RNF138: variants seen among roughly 807,000 people sequenced by gnomAD.
RNF138 encodes the protein ring finger protein 138.
A neutral mutation model predicts 31.0 loss-of-function variants in RNF138; 12 were observed. The ratio of observed to expected loss-of-function variants is 0.39; its 90% CI spans 0.25 to 0.63. The LOEUF (loss-of-function observed/expected upper bound fraction) is 0.63. Ranked by LOEUF, RNF138 falls within the 20% of genes least tolerant of loss-of-function variation. The probability of loss-of-function intolerance (pLI) is 0.52; values close to 1 mark genes in which losing one functional copy is unlikely to be tolerated. For synonymous variants in RNF138, 105 were observed against 99.5 expected, an observed-to-expected ratio of 1.06 and a Z score of -0.33; for missense variants, 192 against 300.1, an observed-to-expected ratio of 0.64 and a Z score of 2.66.
At chr18:32,105,763 C>T (rs2040018100) in intron 2 of RNF138, among the ~76,000 whole-genome samples, 1 of 152,148 alleles carries the variant, frequency 6.6e-6, no homozygotes, top group Non-Finnish European at 1.5e-5. Context: ...TATCGGAAGA[C>T]CACAAGCAGC....
At chr18:32,099,429 A>G (rs745806300) in intron 2 of RNF138, among the ~76,000 whole-genome samples, 2 of 152,064 alleles carry the variant, frequency 1.3e-5, no homozygotes, top group Non-Finnish European at 2.9e-5. Context: ...TTTAGACAAA[A>G]TCTCGCTCTG....
intron 2 of RNF138, among the ~76,000 whole-genome samples, chr18:32,111,041 A>G (rs2040120097): frequency 6.6e-6 from 1 of 152,212 alleles, no homozygotes; most frequent in Admixed American, 6.5e-5. Context: ...CAGCGTCCCA[A>G]AGTGCTGGGA....
Position 32,130,105 on chromosome 18 carries a change from T to TACA in RNF138, c.*919_*921dup, listed in dbSNP as rs2040449812. 2 of 152,458 alleles carry TACA rather than the reference T, an allele frequency of 1.3e-5. No individual in the cohort carries two copies. Among genetic ancestry groups the TACA allele is most frequent in the African/African-American group, 4.8e-5 (2 of 41,430 alleles). 9.4% of individuals were successfully genotyped at this position (152,458 alleles called of 1,614,324 possible). A position where few individuals can be genotyped will look rare whatever the true frequency, so the allele number is the denominator to read the frequency against. On this transcript the variant is annotated 3_prime_UTR_variant, in exon 8 of 8. Coordinates refer to ENST00000261593, the MANE Select transcript of RNF138 (RefSeq NM_016271.5). ...ATACATATACTTTTGTGTGTATATATACACATATGTGTGTATGCAGTTTGT... is the reference window on the plus strand; with the variant it reads ...ATACATATACTTTTGTGTGTATATATACAACACATATGTGTGTATGCAGTTTGT...
rs771694161 is a variant in RNF138 at position 32,113,877 on chromosome 18, C to G, written c.392+17C>G. ...AGGGAACAGGTAAGCAATACTTATTCCTAAATACAGAATTTTCATAATTGA... is the reference window on the plus strand; with the variant it reads ...AGGGAACAGGTAAGCAATACTTATTGCTAAATACAGAATTTTCATAATTGA... On this transcript the variant is annotated intron_variant, in intron 4 of 7. Transcript: ENST00000261593. 4.8e-5 allele frequency: 56 copies of G among 1,156,068 alleles called. No homozygotes were observed. Among genetic ancestry groups the G allele is most frequent in the Non-Finnish European group, 6.4e-5 (51 of 798,040 alleles). 71.6% of individuals were successfully genotyped at this position (1,156,068 alleles called of 1,614,324 possible).
At chr18:32,099,072 G>C (rs554286331) in intron 2 of RNF138, among the ~76,000 whole-genome samples, 22 of 152,048 alleles carry the variant, frequency 1.4e-4, no homozygotes, top group Non-Finnish European at 2.9e-4. Context: ...TTGTTGATTA[G>C]CCTTTTGTTG....
chr18:32,092,383 A>C, intron 1 of RNF138, 148 bp downstream of exon 1: 1 of 182,262 alleles, frequency 5.5e-6, no homozygotes, highest in South Asian at 9.6e-5. Flanking sequence ...CCTTGGGCGA[A>C]GACGGGGGCT....
chr18:32,095,382 G>T (rs1048442743), intron 2 of RNF138, among the ~76,000 whole-genome samples: 2 of 152,066 alleles, frequency 1.3e-5, no homozygotes, highest in Admixed American at 6.6e-5. Context: ...ACGTTGCCCA[G>T]TCAGATCTTG....
chr18:32,123,787 G>A lies in RNF138; in HGVS notation c.449+213G>A, dbSNP rs548451339. On this transcript the variant is annotated intron_variant, in intron 5 of 7. Transcript: ENST00000261593. Reference sequence around the variant, plus strand: ...CCTGCCTCAGCCTCCCAAGTATCTGGTATTACAGGTGCCTGCCACCACGCC... The same window carrying A: ...CCTGCCTCAGCCTCCCAAGTATCTGATATTACAGGTGCCTGCCACCACGCC... 1.3e-4 allele frequency among the ~76,000 whole-genome samples: 19 copies of A among 151,628 alleles called. No individual in the cohort carries two copies. The South Asian group carries it at 2.5e-3, about 20-fold the overall frequency.
At chr18:32,097,965 TG>T (rs2039843674) in intron 2 of RNF138, among the ~76,000 whole-genome samples, 1 of 83,094 alleles carries the variant, frequency 1.2e-5, no homozygotes, top group Non-Finnish European at 2.5e-5. Context: ...TGTGTGTGTG[TG>T]TGTGTGTGTG....
chr18:32,110,785 CT>C (rs879590455), intron 2 of RNF138, among the ~76,000 whole-genome samples: 221 of 144,570 alleles, frequency 1.5e-3, no homozygotes, highest in Middle Eastern at 3.6e-3. Flanking sequence ...AATGTTTAAT[CT>C]TTTTTTTTTT....
chr18:32,113,654 T>C (rs1483770151), intron 3 of RNF138, 91 bp from the exon 4 acceptor site: 3 of 566,328 alleles, frequency 5.3e-6, no homozygotes, highest in Non-Finnish European at 9.1e-6. Flanking sequence ...AAATGGAGTA[T>C]TTAGTTACTT....
At position 32,092,797 on chromosome 18, in the gene RNF138, G is replaced by T; in HGVS notation, c.21G>T (p.Ala7=). 1 of 1,592,502 alleles carries T rather than the reference G, an allele frequency of 6.3e-7. No homozygotes were observed. Residue 7 remains alanine, a synonymous_variant, in exon 2 of 8, where the codon GCG becomes GCT. Coordinates refer to ENST00000261593, the MANE Select transcript of RNF138 (RefSeq NM_016271.5). The stretch of plus-strand genomic sequence containing the variant: ...CCGCCATGGCCGAGGACCTCTCTGC[G>T]GCCACGTCCTACACCGAAGATGATT... MAEDLS[A]ATSYTEDDFY...
intron 2 of RNF138, among the ~76,000 whole-genome samples, chr18:32,093,862 C>A (rs2039755233): frequency 6.6e-6 from 1 of 152,142 alleles, no homozygotes; most frequent in South Asian, 2.1e-4. Context: ...CCCCGGGGAA[C>A]TTTTTAAGTA....
At chr18:32,092,479 G>C (rs1432373896) in intron 1 of RNF138, 2 of 377,256 alleles carry the variant, frequency 5.3e-6, no homozygotes, top group Non-Finnish European at 9.7e-6. Flanking sequence ...GGTGAGGGGC[G>C]AGCGGGGCGG....
chr18:32,128,985 T>C lies in RNF138; in HGVS notation c.670-134T>C. 3 of 612,280 alleles carry C rather than the reference T, an allele frequency of 4.9e-6. No homozygotes were observed. The Admixed American group carries it at 8.0e-5, about 16-fold the overall frequency. 37.9% of individuals were successfully genotyped at this position (612,280 alleles called of 1,614,324 possible). On this transcript the variant is annotated intron_variant, in intron 7 of 7. Transcript: ENST00000261593. ...TCTTAAAAGATACTGTTATATATGT[T>C]TTACATAACTGTCCTGAGTGTGTGT...
intron 4 of RNF138, among the ~76,000 whole-genome samples, chr18:32,115,581 C>A (rs1424617719): frequency 6.6e-6 from 1 of 152,096 alleles, no homozygotes; most frequent in South Asian, 2.1e-4. Context: ...CTTGTCTCTA[C>A]TAAAAATACA....
chr18:32,097,023 C>T (rs967643713), intron 2 of RNF138, among the ~76,000 whole-genome samples: 1 of 152,196 alleles, frequency 6.6e-6, no homozygotes, highest in African/African-American at 2.4e-5. Context: ...AGAGCCTCCA[C>T]ACCTGGCAGA....
chr18:32,104,682 T>C (rs1292575076), intron 2 of RNF138, among the ~76,000 whole-genome samples: 1 of 152,168 alleles, frequency 6.6e-6, no homozygotes, highest in Non-Finnish European at 1.5e-5. Flanking sequence ...GCAACAAAAT[T>C]ATAATGTTAT....
At chr18:32,110,427 AT>A (rs2040107360) in intron 2 of RNF138, among the ~76,000 whole-genome samples, 1 of 152,306 alleles carries the variant, frequency 6.6e-6, no homozygotes, top group African/African-American at 2.4e-5. Context: ...ATCTATTTTA[AT>A]CCTCTGAACA....
Sources: gnomAD v4.1 joint callset for allele counts (sites outside exome capture counted in the v4.1 genomes callset) on GRCh38, gnomAD v4.1.1 for gene constraint, MANE v1.5 for transcripts, NCBI Gene and HGNC (gene_info 2026-07-23, HGNC 2026-07-21) for gene names.